Variants in RFX3 observed in about 807,000 individuals in gnomAD.
The protein encoded by RFX3 is transcription factor RFX3.
A neutral mutation model predicts 98.6 loss-of-function variants in RFX3; 14 were observed. The ratio of observed to expected loss-of-function variants is 0.14; its 90% CI spans 0.09 to 0.22. The LOEUF (loss-of-function observed/expected upper bound fraction) is 0.22. Ranked by LOEUF, RFX3 falls within the 10% of genes least tolerant of loss-of-function variation. The pLI is 1.00. For synonymous variants in RFX3, 383 were observed against 328.4 expected (o/e 1.17, Z -1.80); for missense variants, 639 against 926.9 (o/e 0.69, Z 4.03).
chr9:3,503,607 T>C (rs753138461), intron 1 of RFX3, among the ~76,000 whole-genome samples: 1 of 152,118 alleles, frequency 6.6e-6, no homozygotes, highest in Non-Finnish European at 1.5e-5. Flanking sequence ...AAAATATCAG[T>C]ATGACAATCT....
chr9:3,324,867 G>A (rs1184881643), intron 4 of RFX3, among the ~76,000 whole-genome samples: 3 of 152,074 alleles, frequency 2.0e-5, no homozygotes, highest in Non-Finnish European at 4.4e-5. Flanking sequence ...GGAAGGCTGA[G>A]GTGGGAGAAT....
chr9:3,507,600 C>T lies in RFX3; in HGVS notation c.-9+18147G>A, dbSNP rs562543211. 1.2e-4 allele frequency among the ~76,000 whole-genome samples: 18 copies of T among 151,960 alleles called. No homozygotes were observed. The East Asian group carries it at 3.3e-3, about 28-fold the overall frequency. On this transcript the variant is annotated intron_variant, in intron 1 of 16. Transcript: ENST00000617270. ...ACATAATACAGTTGTCCCTCCGTAACCATGGGGAATTGGTTCCAGGACCTC... is the reference window on the plus strand; with the variant it reads ...ACATAATACAGTTGTCCCTCCGTAATCATGGGGAATTGGTTCCAGGACCTC...
chr9:3,311,296 G>T (rs75759269), intron 4 of RFX3, among the ~76,000 whole-genome samples: 5,992 of 152,202 alleles, frequency 0.039, 373 homozygotes, highest in African/African-American at 0.13. Context: ...ATTTCTACCT[G>T]GTTTGCATCT....
At chr9:3,362,753 G>A (rs1229452491) in intron 2 of RFX3, among the ~76,000 whole-genome samples, 1 of 152,132 alleles carries the variant, frequency 6.6e-6, no homozygotes, top group African/African-American at 2.4e-5. Flanking sequence ...GGAATTAAAT[G>A]GAAGTGAATT....
chr9:3,382,251 A>G (rs1328230582), intron 2 of RFX3, among the ~76,000 whole-genome samples: 4 of 152,320 alleles, frequency 2.6e-5, no homozygotes, highest in South Asian at 2.1e-4. Flanking sequence ...GAAATAAAAT[A>G]TAATCTTTTA....
chr9:3,515,067 A>T (rs1273829381), intron 1 of RFX3, among the ~76,000 whole-genome samples: 1 of 152,248 alleles, frequency 6.6e-6, no homozygotes, highest in African/African-American at 2.4e-5. Context: ...TAGCATAAAT[A>T]GTATCAGGGG....
intron 5 of RFX3, among the ~76,000 whole-genome samples, chr9:3,293,719 T>C (rs761161423): frequency 1.5e-4 from 23 of 152,316 alleles, no homozygotes; most frequent in Admixed American, 8.5e-4. Context: ...AGTGTTTATA[T>C]TAAAGTTACA....
chr9:3,311,747 G>T (rs1441468305), intron 4 of RFX3, among the ~76,000 whole-genome samples: 1 of 137,238 alleles, frequency 7.3e-6, no homozygotes, highest in East Asian at 2.0e-4. Flanking sequence ...TTAGCTGGGT[G>T]TGGGTGGGCG....
At chr9:3,387,925 A>C (rs1373169435) in intron 2 of RFX3, among the ~76,000 whole-genome samples, 1 of 152,158 alleles carries the variant, frequency 6.6e-6, no homozygotes, top group African/African-American at 2.4e-5. Flanking sequence ...AGAATGATGG[A>C]GTGCACTATC....
chr9:3,372,220 C>A (rs1381571136), intron 2 of RFX3, among the ~76,000 whole-genome samples: 1 of 152,180 alleles, frequency 6.6e-6, no homozygotes, highest in Non-Finnish European at 1.5e-5. Context: ...CTATGACCAA[C>A]AGAAATACGT....
At chr9:3,242,238 A>C (rs1483282272) in intron 15 of RFX3, among the ~76,000 whole-genome samples, 4 of 152,198 alleles carry the variant, frequency 2.6e-5, no homozygotes, top group Admixed American at 2.6e-4. Context: ...TTCAATCAGT[A>C]TCAAATAAGA....
chr9:3,438,000 A>G (rs1408741307), intron 1 of RFX3, among the ~76,000 whole-genome samples: 1 of 152,108 alleles, frequency 6.6e-6, no homozygotes, highest in Non-Finnish European at 1.5e-5. Flanking sequence ...TAAAATGGAA[A>G]AAAAGAAGAC....
intron 2 of RFX3, among the ~76,000 whole-genome samples, chr9:3,369,862 A>C (rs376578388): frequency 5.7e-4 from 86 of 152,044 alleles, no homozygotes; most frequent in African/African-American, 9.2e-4. Context: ...CGGAGTCTTG[A>C]TCTGTCGCCC....
intron 1 of RFX3, among the ~76,000 whole-genome samples, chr9:3,426,511 G>A (rs947380096): frequency 3.9e-5 from 6 of 152,074 alleles, no homozygotes; most frequent in South Asian, 2.1e-4. Flanking sequence ...ACAGCAGGAG[G>A]TGAGCAAGAG....
chr9:3,282,094 AG>A (rs745875616), intron 7 of RFX3, among the ~76,000 whole-genome samples: 72 of 151,896 alleles, frequency 4.7e-4, no homozygotes, highest in Non-Finnish European at 9.0e-4. Context: ...GCTCAGAACA[AG>A]GGCAGGAGGC....
intron 1 of RFX3, among the ~76,000 whole-genome samples, chr9:3,468,932 T>C (rs1163204901): frequency 1.3e-5 from 2 of 151,660 alleles, no homozygotes; most frequent in Non-Finnish European, 1.5e-5. Context: ...TAAAACTACA[T>C]AGTTGTATCC....
At chr9:3,471,002 C>T (rs185429690) in intron 1 of RFX3, among the ~76,000 whole-genome samples, 23 of 152,272 alleles carry the variant, frequency 1.5e-4, no homozygotes, top group African/African-American at 4.6e-4. Flanking sequence ...CACTATTTTA[C>T]AAAAATTTAA....
intron 4 of RFX3, among the ~76,000 whole-genome samples, chr9:3,316,389 G>A (rs954477982): frequency 2.0e-5 from 3 of 152,084 alleles, no homozygotes; most frequent in Admixed American, 2.0e-4. Flanking sequence ...AATAATAAGA[G>A]CTATTTATGA....
intron 1 of RFX3, among the ~76,000 whole-genome samples, chr9:3,463,783 C>T (rs371804022): frequency 2.5e-4 from 38 of 151,598 alleles, no homozygotes; most frequent in East Asian, 1.9e-4. Flanking sequence ...CCAGCCTGGG[C>T]GACATAGGGA....
Sources: gnomAD v4.1 joint callset for allele counts (sites outside exome capture counted in the v4.1 genomes callset) on GRCh38, gnomAD v4.1.1 for gene constraint, MANE v1.5 for transcripts, NCBI Gene and HGNC (gene_info 2026-07-23, HGNC 2026-07-21) for gene names.